Variants in SPAST observed in about 807,000 individuals in gnomAD.
SPAST encodes spastic paraplegia 4 (autosomal dominant; spastin).
Under a neutral mutation model 76.6 loss-of-function variants are expected in SPAST, and 30 were observed. That is an observed-to-expected ratio of 0.39 (90% CI 0.29 to 0.53). The LOEUF is 0.53. SPAST is among the 20% of genes least tolerant of loss of function. SPAST has a pLI of 0.68. For missense variants in SPAST, 717 were observed against 770.5 expected, an observed-to-expected ratio of 0.93 and a Z score of 0.82; for synonymous variants, 305 against 281.0, an observed-to-expected ratio of 1.09 and a Z score of -0.86.
chr2:32,153,346 G>A (rs1288716553), intron 16 of SPAST, among the ~76,000 whole-genome samples: 1 of 145,326 alleles, frequency 6.9e-6, no homozygotes, highest in African/African-American at 2.6e-5. Context: ...TTTTTTGAGA[G>A]GGAGTCTCAC....
rs1558608354 is a variant in SPAST, at chr2:32,066,993, CCAAAA to C, written c.415+2748_415+2752del. On this transcript the variant is annotated intron_variant, in intron 1 of 16. Transcript: ENST00000315285. ...GTCTCAAAAAAAAAAAAAAAAAAAACCAAAAAAAAAAAAACTGTTTTAATTGTTTT... is the reference window on the plus strand; with the variant it reads ...GTCTCAAAAAAAAAAAAAAAAAAAACAAAAAAAAACTGTTTTAATTGTTTT... Among the ~76,000 whole-genome samples the C allele has an allele frequency of 8.4e-4, 35 of 41,678 alleles. 1 individual carries two copies. The highest frequency in any genetic ancestry group is 4.7e-4 in the Admixed American group (2 of 4,252). 27.3% of individuals were successfully genotyped at this position (41,678 alleles called of 152,430 possible).
At position 32,157,398 on chromosome 2, in the gene SPAST, T is replaced by C. The variant is rs1329495587; in HGVS notation, c.*2902T>C. Reference sequence around the variant, plus strand: ...ACTAGAATTCTAATTTAATTACATATACAGCCGTCTTTGTTTATAGTGTAG... The same window carrying C: ...ACTAGAATTCTAATTTAATTACATACACAGCCGTCTTTGTTTATAGTGTAG... On this transcript the variant is annotated 3_prime_UTR_variant, in exon 17 of 17. Coordinates refer to ENST00000315285, the MANE Select transcript of SPAST (RefSeq NM_014946.4). The C allele has an allele frequency of 6.6e-6, 1 of 152,656 alleles. No homozygotes were observed. Among genetic ancestry groups the C allele is most frequent in the East Asian group, 1.9e-4 (1 of 5,204 alleles). The allele number at this position is 152,656 out of a possible 1,614,324, so 9.5% of individuals were successfully genotyped here.
intron 1 of SPAST, among the ~76,000 whole-genome samples, chr2:32,067,986 T>C (rs1046412850): frequency 3.3e-5 from 5 of 151,190 alleles, no homozygotes; most frequent in Non-Finnish European, 7.4e-5. Context: ...CTTTTCTTTT[T>C]TTTTTTTTTT....
intron 9 of SPAST, among the ~76,000 whole-genome samples, chr2:32,133,335 TCAC>T (rs1159757937): frequency 6.6e-6 from 1 of 152,194 alleles, no homozygotes; most frequent in African/African-American, 2.4e-5. Flanking sequence ...ACTTTCATAA[TCAC>T]CACCCAGGTC....
intron 1 of SPAST, among the ~76,000 whole-genome samples, chr2:32,083,763 TATA>T (rs1677351491): frequency 1.0e-5 from 1 of 96,178 alleles, no homozygotes; most frequent in Non-Finnish European, 2.0e-5. Context: ...TATATATATA[TATA>T]TATATATATA....
rs564345413 is a variant in SPAST at position 32,156,004 on chromosome 2, A to G, written c.*1508A>G. ...TTAATTTTACTCTTGCTCTTGTTAA[A>G]GATTTGTTTGAATATAGAAGATGCA... is the stretch of plus-strand genomic sequence containing the variant. On this transcript the variant is annotated 3_prime_UTR_variant, in exon 17 of 17. Coordinates refer to ENST00000315285, the MANE Select transcript of SPAST (RefSeq NM_014946.4). 1 of 152,234 alleles carries G rather than the reference A, an allele frequency of 6.6e-6. No individual in the cohort carries two copies. Among genetic ancestry groups the G allele is most frequent in the South Asian group, 2.1e-4 (1 of 4,826 alleles). 9.4% of individuals were successfully genotyped at this position (152,234 alleles called of 1,614,324 possible). A position where few individuals can be genotyped will look rare whatever the true frequency, so the allele number is the denominator to read the frequency against.
Position 32,147,264 on chromosome 2 carries a change from G to C in SPAST, c.1728+6G>C. 1 of 1,520,234 alleles carries C rather than the reference G, an allele frequency of 6.6e-7. No individual in the cohort carries two copies. Among genetic ancestry groups the C allele is most frequent in the Non-Finnish European group, 9.0e-7 (1 of 1,114,792 alleles). The allele number at this position is 1,520,234 out of a possible 1,614,324, so 94.2% of individuals were successfully genotyped here. ...AGAATATGTCTGCCAGTGAGGTATA[G>C]TATTTTACAATGATATTTTCTTTGT... On this transcript the variant is annotated splice_donor_region_variant and intron_variant, in intron 16 of 16. Transcript: ENST00000315285.
intron 16 of SPAST, 40 bp from the exon 17 acceptor site, chr2:32,154,334 G>T (rs1309875434): frequency 6.3e-7 from 1 of 1,583,398 alleles, no homozygotes; most frequent in Non-Finnish European, 8.7e-7. Flanking sequence ...CCATATACCT[G>T]TTGATCATTT....
chr2:32,102,642 C>T (rs1678171416), intron 4 of SPAST, among the ~76,000 whole-genome samples: 2 of 152,090 alleles, frequency 1.3e-5, no homozygotes, highest in Admixed American at 1.3e-4. Flanking sequence ...GAGATACATC[C>T]CATCAATACC....
chr2:32,143,338 A>C lies in SPAST; in HGVS notation c.1539A>C (p.Thr513=). 3 of 1,550,780 alleles carry C rather than the reference A, an allele frequency of 1.9e-6. No homozygotes were observed. The highest frequency in any genetic ancestry group is 2.7e-6 in the Non-Finnish European group (3 of 1,123,864). The change falls in exon 14 of 17, where the codon ACA becomes ACC. Residue 513 remains threonine, a splice_region_variant and synonymous_variant. Coordinates refer to ENST00000315285, the MANE Select transcript of SPAST (RefSeq NM_014946.4). The part of the protein sequence containing the change: ...RVYVSLPNEE[T]RLLLLKNLLC... ...GATCATTTTTTAATATTTTTCAGAC[A>C]AGACTACTTTTGCTTAAAAATCTGT...
chr2:32,157,636 T>C lies in SPAST; in HGVS notation c.*3140T>C, dbSNP rs1414312133. On this transcript the variant is annotated 3_prime_UTR_variant, in exon 17 of 17. Coordinates refer to ENST00000315285, the MANE Select transcript of SPAST (RefSeq NM_014946.4). ...TGTATTGGAAATAAATGATAAACTTTATTTTGTCTTTACTTTTTTACTTTA... is the reference window on the plus strand; with the variant it reads ...TGTATTGGAAATAAATGATAAACTTCATTTTGTCTTTACTTTTTTACTTTA... 1 of 152,416 alleles carries C rather than the reference T, an allele frequency of 6.6e-6. No individual in the cohort carries two copies. The highest frequency in any genetic ancestry group is 6.5e-5 in the Admixed American group (1 of 15,274). The allele number at this position is 152,416 out of a possible 1,614,324, so 9.4% of individuals were successfully genotyped here. A position where few individuals can be genotyped will look rare whatever the true frequency, so the allele number is the denominator to read the frequency against.
At chr2:32,094,462 A>C (rs1677843824) in intron 3 of SPAST, among the ~76,000 whole-genome samples, 1 of 152,204 alleles carries the variant, frequency 6.6e-6, no homozygotes, top group African/African-American at 2.4e-5. Flanking sequence ...AATGGTCCAC[A>C]GAGAAGTAAG....
Position 32,147,252 on chromosome 2 carries a change from C to T in SPAST, c.1722C>T (p.Ala574=), listed in dbSNP as rs777938698. 1.2e-6 allele frequency: 2 copies of T among 1,600,214 alleles called. No individual in the cohort carries two copies. Among genetic ancestry groups the T allele is most frequent in the Admixed American group, 3.3e-5 (2 of 59,864 alleles). ...CAGAACAGGTGAAGAATATGTCTGC[C>T]AGTGAGGTATAGTATTTTACAATGA... is the stretch of plus-strand genomic sequence containing the variant. ...LKPEQVKNMS[A]SEMRNIRLSD... Residue 574 remains alanine, a synonymous_variant, in exon 16 of 17, where the codon GCC becomes GCT. Transcript: ENST00000315285.
chr2:32,136,206 C>T (rs995955093), intron 9 of SPAST, among the ~76,000 whole-genome samples: 5 of 152,042 alleles, frequency 3.3e-5, no homozygotes, highest in Non-Finnish European at 4.4e-5. Context: ...ATAAATATAC[C>T]GTGTAATCTA....
intron 9 of SPAST, chr2:32,128,706 T>G (rs1167843685): frequency 1.9e-6 from 1 of 526,822 alleles, no homozygotes; most frequent in African/African-American, 1.9e-5. Context: ...TACCGTAAAC[T>G]GGCTGGCTTA....
chr2:32,067,699 T>C (rs190874988), intron 1 of SPAST, among the ~76,000 whole-genome samples: 1 of 151,148 alleles, frequency 6.6e-6, no homozygotes, highest in Non-Finnish European at 1.5e-5. Flanking sequence ...CAAGCTGGAG[T>C]GGAATGTGAT....
At chr2:32,076,898 C>CA (rs1676982683) in intron 1 of SPAST, among the ~76,000 whole-genome samples, 2 of 151,852 alleles carry the variant, frequency 1.3e-5, no homozygotes, top group African/African-American at 4.8e-5. Context: ...TTTTCTGAGA[C>CA]AGAGTCTCGT....
chr2:32,139,966 A>G (rs1438445472), intron 12 of SPAST, among the ~76,000 whole-genome samples: 10 of 152,186 alleles, frequency 6.6e-5, no homozygotes, highest in Admixed American at 6.5e-4. Flanking sequence ...ACACAAATAA[A>G]TGGAAAAACA....
intron 16 of SPAST, among the ~76,000 whole-genome samples, chr2:32,153,739 A>T (rs1680163061): frequency 6.6e-6 from 1 of 152,176 alleles, no homozygotes; most frequent in Non-Finnish European, 1.5e-5. Flanking sequence ...ATATTTCCAA[A>T]GGCAATTTAA....
Sources: allele counts gnomAD v4.1 joint callset (sites outside exome capture counted in the v4.1 genomes callset), GRCh38; gene constraint gnomAD v4.1.1; transcripts MANE v1.5; gene names NCBI Gene and HGNC (gene_info 2026-07-23, HGNC 2026-07-21).